The following REV1 variants were observed in gnomAD, a reference collection of about 807,000 sequenced individuals.
REV1 encodes the protein REV1 DNA directed polymerase.
REV1 carries 42 observed loss-of-function variants against 137.4 expected under a neutral mutation model. That is an observed-to-expected ratio of 0.31 (90% CI 0.24 to 0.40). The LOEUF (loss-of-function observed/expected upper bound fraction) is 0.40, where lower values mean the gene tolerates loss of function less well. Ranked by LOEUF, REV1 falls within the 10% of genes least tolerant of loss-of-function variation. The probability of loss-of-function intolerance (pLI) is 1.00; values close to 1 mark genes in which losing one functional copy is unlikely to be tolerated. For synonymous variants in REV1, 524 were observed against 519.2 expected, an observed-to-expected ratio of 1.01 and a Z score of -0.12; for missense variants, 1,282 against 1,490.1, an observed-to-expected ratio of 0.86 and a Z score of 2.30.
chr2:99,429,745 T>TGTC (rs934840364), intron 9 of REV1, 95 bp downstream of exon 9: 33 of 643,840 alleles, frequency 5.1e-5, no homozygotes, highest in African/African-American at 4.5e-4. Context: ...TCTGTAACAT[T>TGTC]TAAATCCACT....
chr2:99,488,361 T>A (rs1385685168), intron 1 of REV1, among the ~76,000 whole-genome samples: 1 of 119,318 alleles, frequency 8.4e-6, no homozygotes. Context: ...AAAAGAGCAA[T>A]TCCCATCTTT....
At chr2:99,416,791 T>C (rs1237428037) in intron 12 of REV1, among the ~76,000 whole-genome samples, 2 of 151,192 alleles carry the variant, frequency 1.3e-5, no homozygotes, top group African/African-American at 4.9e-5. Flanking sequence ...TGGGTGCCTG[T>C]AGTCCCAGCT....
intron 7 of REV1, among the ~76,000 whole-genome samples, chr2:99,435,251 A>G (rs1039815996): frequency 6.6e-6 from 1 of 152,220 alleles, no homozygotes; most frequent in Non-Finnish European, 1.5e-5. Context: ...TTCTCAGAAG[A>G]AAACACTAAG....
chr2:99,440,287 T>C (rs1444421150), intron 5 of REV1, among the ~76,000 whole-genome samples: 1 of 152,242 alleles, frequency 6.6e-6, no homozygotes, highest in African/African-American at 2.4e-5. Context: ...TACTTAGGAA[T>C]GTCCAAATGT....
chr2:99,425,055 T>C (rs987645677), intron 9 of REV1, among the ~76,000 whole-genome samples: 1 of 152,196 alleles, frequency 6.6e-6, no homozygotes, highest in African/African-American at 2.4e-5. Context: ...AAAAAAATTA[T>C]AGTAAAAACA....
At chr2:99,470,347 A>G (rs1394620899) in intron 1 of REV1, among the ~76,000 whole-genome samples, 2 of 152,198 alleles carry the variant, frequency 1.3e-5, no homozygotes, top group Non-Finnish European at 2.9e-5. Context: ...ACAGTCATAT[A>G]TAAATGTATA....
intron 10 of REV1, among the ~76,000 whole-genome samples, chr2:99,423,050 TTC>T (rs1324294204): frequency 6.6e-6 from 1 of 152,232 alleles, no homozygotes; most frequent in Non-Finnish European, 1.5e-5. Flanking sequence ...AATTAGTGTG[TTC>T]TCTTTGTGTT....
chr2:99,454,639 G>A (rs1010304804), intron 3 of REV1, among the ~76,000 whole-genome samples: 1 of 150,598 alleles, frequency 6.6e-6, no homozygotes, highest in Non-Finnish European at 1.5e-5. Context: ...CAGCTACTCA[G>A]GAGGCTGAGG....
chr2:99,403,136 C>G (rs776085125), intron 19 of REV1, 30 bp from the exon 20 acceptor site: 6 of 1,486,012 alleles, frequency 4.0e-6, no homozygotes, highest in Non-Finnish European at 5.4e-6. Context: ...AGATCCTCAA[C>G]AAAATGATAG....
chr2:99,471,455 A>G (rs535268885), intron 1 of REV1, among the ~76,000 whole-genome samples: 1 of 152,358 alleles, frequency 6.6e-6, no homozygotes, highest in East Asian at 1.9e-4. Context: ...CATAAATATA[A>G]GAGCTAAAAC....
intron 3 of REV1, among the ~76,000 whole-genome samples, chr2:99,449,893 A>G (rs987737523): frequency 1.3e-5 from 2 of 152,204 alleles, no homozygotes; most frequent in African/African-American, 4.8e-5. Context: ...TCATTTTACA[A>G]AGACTAATCC....
chr2:99,407,550 C>CAA (rs960279383), intron 15 of REV1, among the ~76,000 whole-genome samples: 28 of 139,860 alleles, frequency 2.0e-4, no homozygotes, highest in Admixed American at 1.0e-3. Flanking sequence ...AAAACTGTCT[C>CAA]AAAAAAAAAA....
intron 1 of REV1, among the ~76,000 whole-genome samples, chr2:99,482,101 A>C (rs1345398580): frequency 6.6e-6 from 1 of 152,224 alleles, no homozygotes; most frequent in Non-Finnish European, 1.5e-5. Context: ...GCAACCTGAC[A>C]TCAGCCTAAC....
At chr2:99,438,530 CAAT>C (rs1276072939) in intron 6 of REV1, 68 bp downstream of exon 6, 1 of 1,147,092 alleles carries the variant, frequency 8.7e-7, no homozygotes, top group Admixed American at 1.9e-5. Flanking sequence ...CCAGAAATAC[CAAT>C]AATAGCATAA....
chr2:99,441,178 TA>T (rs1024049746), intron 5 of REV1, among the ~76,000 whole-genome samples: 2 of 151,948 alleles, frequency 1.3e-5, no homozygotes, highest in Non-Finnish European at 2.9e-5. Context: ...GATAGCACAT[TA>T]AAAAAAATTA....
chr2:99,429,005 A>C (rs956485110), intron 9 of REV1, among the ~76,000 whole-genome samples: 16 of 151,924 alleles, frequency 1.1e-4, no homozygotes, highest in African/African-American at 3.9e-4. Flanking sequence ...AAAAAAAAAA[A>C]AAAAAAAGAT....
At chr2:99,486,142 A>G (rs554995487) in intron 1 of REV1, among the ~76,000 whole-genome samples, 1 of 152,218 alleles carries the variant, frequency 6.6e-6, no homozygotes, top group Admixed American at 6.5e-5. Flanking sequence ...GTTAAAAAAG[A>G]AAAAAATTCA....
At chr2:99,464,515 C>T (rs1684589505) in intron 2 of REV1, among the ~76,000 whole-genome samples, 2 of 152,134 alleles carry the variant, frequency 1.3e-5, no homozygotes, top group African/African-American at 2.4e-5. Context: ...CTTTGTAACA[C>T]ATTGTTTTAG....
intron 2 of REV1, among the ~76,000 whole-genome samples, chr2:99,463,901 G>C (rs999374027): frequency 6.6e-6 from 1 of 152,188 alleles, no homozygotes; most frequent in African/African-American, 2.4e-5. Flanking sequence ...TGGGATTACA[G>C]GTGTGAGCCA....
Sources: gnomAD v4.1 joint callset for allele counts (sites outside exome capture counted in the v4.1 genomes callset) on GRCh38, gnomAD v4.1.1 for gene constraint, MANE v1.5 for transcripts, NCBI Gene and HGNC (gene_info 2026-07-23, HGNC 2026-07-21) for gene names.